Variants in CTBP2 observed in about 807,000 individuals in gnomAD.
CTBP2 encodes C-terminal binding protein 2.
A neutral mutation model predicts 80.3 loss-of-function variants in CTBP2; 30 were observed. The ratio of observed to expected loss-of-function variants is 0.37; its 90% CI spans 0.28 to 0.51. The LOEUF is 0.51. Ranked by LOEUF, CTBP2 falls within the 20% of genes least tolerant of loss-of-function variation. The pLI is 0.93. For synonymous variants in CTBP2, 594 were observed against 587.4 expected (o/e 1.01, Z -0.16); for missense variants, 1,212 against 1,375.3 (o/e 0.88, Z 1.88).
At chr10:125,021,527 ACTCGCT>A (rs1957035450) in intron 1 of CTBP2, among the ~76,000 whole-genome samples, 1 of 150,856 alleles carries the variant, frequency 6.6e-6, no homozygotes, top group Non-Finnish European at 1.5e-5. Context: ...AGGTTCAGGC[ACTCGCT>A]GAGTTCAGTC....
At position 124,989,311 on chromosome 10, in the gene CTBP2, A is replaced by T; in HGVS notation, c.*207T>A. 1 of 597,982 alleles carries T rather than the reference A, an allele frequency of 1.7e-6. No homozygotes were observed. The highest frequency in any genetic ancestry group is 2.0e-5 in the South Asian group (1 of 51,236). 37.0% of individuals were successfully genotyped at this position (597,982 alleles called of 1,614,324 possible). A position where few individuals can be genotyped will look rare whatever the true frequency, so the allele number is the denominator to read the frequency against. ...ACAATAACAGAAGTTGGTCGTTAAT[A>T]AATCACATCCTAGTCTTTCAGCGCT... On this transcript the variant is annotated 3_prime_UTR_variant, in exon 9 of 9. Transcript: ENST00000309035.
At chr10:125,036,709 G>C (rs1590234573) in intron 3 of CTBP2, among the ~76,000 whole-genome samples, 2 of 103,116 alleles carry the variant, frequency 1.9e-5, no homozygotes, top group Admixed American at 9.0e-5. Flanking sequence ...GTGTGTGTGT[G>C]TGTGTGTTTG....
chr10:125,066,015 C>A lies in CTBP2; in HGVS notation c.-101-26860G>T, dbSNP rs530239348. Among the ~76,000 whole-genome samples the A allele has an allele frequency of 2.0e-5, 3 of 151,324 alleles. No individual in the cohort carries two copies. Among genetic ancestry groups the A allele is most frequent in the African/African-American group, 7.3e-5 (3 of 41,074 alleles). On this transcript the variant is annotated intron_variant, in intron 2 of 10. Transcript: ENST00000337195. The surrounding 1 kb of genome is among the most constrained non-coding windows in gnomAD (Gnocchi z 4.1). The stretch of plus-strand genomic sequence containing the variant: ...ACCCAGGTGGCTGAGGTGGGAGGAT[C>A]GCTTGAGCCCAGAAGGCAGAGGTTA...
At chr10:125,082,402 C>A (rs1325146660) in intron 2 of CTBP2, among the ~76,000 whole-genome samples, 1 of 152,078 alleles carries the variant, frequency 6.6e-6, no homozygotes. Flanking sequence ...CAGTAACTTC[C>A]CCAAAAAGCT....
chr10:125,100,686 G>A (rs1384023338), intron 2 of CTBP2: 2 of 152,146 alleles, frequency 1.3e-5, no homozygotes, highest in Non-Finnish European at 2.9e-5. Context: ...GGAAAAACGC[G>A]AATAACATAA....
At chr10:125,011,793 G>A (rs563836011) in intron 1 of CTBP2, among the ~76,000 whole-genome samples, 25 of 152,350 alleles carry the variant, frequency 1.6e-4, no homozygotes, top group African/African-American at 5.0e-4. Context: ...TTGTAATGGA[G>A]TTTAAAATAA....
intron 3 of CTBP2, among the ~76,000 whole-genome samples, chr10:125,036,814 C>T (rs1203399743): frequency 4.6e-5 from 7 of 151,972 alleles, no homozygotes; most frequent in African/African-American, 2.4e-5. Flanking sequence ...ACAGACTGCC[C>T]GGGTTCCTGG....
At chr10:125,004,109 T>G (rs1954917785) in intron 1 of CTBP2, among the ~76,000 whole-genome samples, 1 of 152,206 alleles carries the variant, frequency 6.6e-6, no homozygotes, top group South Asian at 2.1e-4. Context: ...ACAGATTTCC[T>G]GGTGCTGCCA....
rs1443538303 is a variant in CTBP2 at position 124,993,794 on chromosome 10, G to C, written c.2531+61C>G. 44 of 1,550,614 alleles carry C rather than the reference G, an allele frequency of 2.8e-5. No individual in the cohort carries two copies. In the South Asian group the frequency reaches 2.9e-4, roughly 10 times the overall value. On this transcript the variant is annotated intron_variant, in intron 6 of 8. Transcript: ENST00000309035. The stretch of plus-strand genomic sequence containing the variant: ...GAAAAGGGCCTCGAGTTCAAAGTGT[G>C]GGGGTCAGGTGTGGAGCTGGGCCCT...
intron 1 of CTBP2, among the ~76,000 whole-genome samples, chr10:125,020,223 G>A (rs879204187): frequency 1.4e-4 from 21 of 152,174 alleles, no homozygotes; most frequent in African/African-American, 4.1e-4. Flanking sequence ...ATCCCTGGAG[G>A]GGTTTAGGAG....
chr10:125,098,661 A>AGGGG (rs1564913565), intron 2 of CTBP2, among the ~76,000 whole-genome samples: 1 of 46,232 alleles, frequency 2.2e-5, no homozygotes, highest in Admixed American at 2.1e-4. Context: ...GGAGGGGGAG[A>AGGGG]GAGAGAGAGA....
At chr10:125,016,008 G>A (rs771240092) in intron 1 of CTBP2, among the ~76,000 whole-genome samples, 3 of 148,822 alleles carry the variant, frequency 2.0e-5, no homozygotes, top group Non-Finnish European at 4.5e-5. Flanking sequence ...GTTTGAGAAC[G>A]CCTACTGTGC....
chr10:125,102,951 A>C (rs1850863047), intron 2 of CTBP2, among the ~76,000 whole-genome samples: 1 of 152,206 alleles, frequency 6.6e-6, no homozygotes, highest in African/African-American at 2.4e-5. Flanking sequence ...CTGCCGCAAG[A>C]GCAGCACCCA....
intron 1 of CTBP2, among the ~76,000 whole-genome samples, chr10:125,133,323 G>A (rs1856468702): frequency 1.3e-5 from 2 of 152,178 alleles, no homozygotes. Flanking sequence ...GGTCAAGGCA[G>A]ACCCAGCCTC....
At chr10:125,021,493 G>T (rs1957032228) in intron 1 of CTBP2, among the ~76,000 whole-genome samples, 1 of 152,196 alleles carries the variant, frequency 6.6e-6, no homozygotes, top group Non-Finnish European at 1.5e-5. Flanking sequence ...AGCAGAATGA[G>T]CTCCATGAAC....
At chr10:125,104,854 T>C (rs1851214108) in intron 2 of CTBP2, among the ~76,000 whole-genome samples, 3 of 152,232 alleles carry the variant, frequency 2.0e-5, no homozygotes, top group Admixed American at 2.0e-4. Context: ...GTTCAGCTGG[T>C]GTTAAATGAA....
intron 1 of CTBP2, among the ~76,000 whole-genome samples, chr10:125,113,981 A>T (rs1852737888): frequency 6.6e-6 from 1 of 152,244 alleles, no homozygotes; most frequent in African/African-American, 2.4e-5. Flanking sequence ...GAAGTACTTT[A>T]AAAAGACTGG....
At chr10:125,070,900 G>T (rs1359431329) in intron 2 of CTBP2, among the ~76,000 whole-genome samples, 2 of 152,160 alleles carry the variant, frequency 1.3e-5, no homozygotes, top group African/African-American at 4.8e-5. Context: ...AAAGTGCCAG[G>T]ATTACGGGTG....
Position 125,158,821 on chromosome 10 carries a change from G to A in CTBP2, c.-206+1498C>T, listed in dbSNP as rs932359095. On this transcript the variant is annotated intron_variant, in intron 1 of 10. Coordinates refer to the CTBP2 transcript ENST00000337195. ...GGAAAAAGTACCGGGCGGGGGGAGG[G>A]GGGACAACCACAAACACTCGCGCGC... is the stretch of plus-strand genomic sequence containing the variant. 6 of 151,918 alleles carry A rather than the reference G, an allele frequency of 3.9e-5. No homozygotes were observed. In the East Asian group the frequency reaches 7.9e-4, roughly 20 times the overall value. 9.4% of individuals were successfully genotyped at this position (151,918 alleles called of 1,614,324 possible).
Sources: gnomAD v4.1 joint callset for allele counts (sites outside exome capture counted in the v4.1 genomes callset) on GRCh38, gnomAD v4.1.1 for gene constraint, Gnocchi (gnomAD v3.1) non-coding constraint, MANE v1.5 for transcripts, NCBI Gene and HGNC (gene_info 2026-07-23, HGNC 2026-07-21) for gene names.